Variants in PTPRD observed in about 807,000 individuals in gnomAD.
PTPRD encodes protein tyrosine phosphatase receptor type D, also known as receptor-type tyrosine-protein phosphatase delta.
In PTPRD, 34 loss-of-function variants were observed where a neutral mutation model predicts 214.5. That is an observed-to-expected ratio of 0.16 (90% CI 0.12 to 0.21). The LOEUF (loss-of-function observed/expected upper bound fraction) is 0.21, where lower values mean the gene tolerates loss of function less well. PTPRD is among the 10% of genes least tolerant of loss of function. The pLI is 1.00. For missense variants in PTPRD, 2,545 were observed against 2,398.7 expected, an observed-to-expected ratio of 1.06 and a Z score of -1.27; for synonymous variants, 1,128 against 845.7, an observed-to-expected ratio of 1.33 and a Z score of -5.79.
In PTPRD at chr9:9,851,007, T is replaced by C. The variant is rs999896299; in HGVS notation, c.-367-84156A>G. On this transcript the variant is annotated intron_variant, in intron 5 of 45. Coordinates refer to ENST00000381196, the MANE Select transcript of PTPRD (RefSeq NM_002839.4). ...GACCTTAGTTGCCACCTGCTAGCTA[T>C]GTGATTTTAGACAAAATTATTTAAC... Among the ~76,000 whole-genome samples, 12 of 152,312 alleles carry C rather than the reference T, an allele frequency of 7.9e-5. 1 individual carries two copies. Among genetic ancestry groups the C allele is most frequent in the Admixed American group, 6.5e-4 (10 of 15,288 alleles).
At chr9:9,370,876 GT>G (rs2059297713) in intron 9 of PTPRD, among the ~76,000 whole-genome samples, 1 of 151,970 alleles carries the variant, frequency 6.6e-6, no homozygotes, top group Non-Finnish European at 1.5e-5. Flanking sequence ...TAATCATGTG[GT>G]TTTTGTCTTT....
chr9:10,418,102 C>A (rs775522133), intron 2 of PTPRD, among the ~76,000 whole-genome samples: 3 of 151,298 alleles, frequency 2.0e-5, no homozygotes, highest in South Asian at 4.2e-4. Flanking sequence ...CAAGGCAAAG[C>A]GAAATATATG....
intron 3 of PTPRD, among the ~76,000 whole-genome samples, chr9:10,153,038 G>A (rs1189650591): frequency 1.3e-5 from 2 of 152,160 alleles, no homozygotes; most frequent in Non-Finnish European, 2.9e-5. Flanking sequence ...GGAGACGTTG[G>A]TCAAAGAGTA....
chr9:8,354,083 C>A (rs967124414), intron 39 of PTPRD, among the ~76,000 whole-genome samples: 10 of 149,834 alleles, frequency 6.7e-5, no homozygotes, highest in African/African-American at 2.5e-4. Flanking sequence ...TTAAATATGT[C>A]TTTTATTTAT....
In PTPRD at chr9:10,483,393, C is replaced by T. The variant is rs1236182715; in HGVS notation, c.-600+129005G>A. Among the ~76,000 whole-genome samples, 3 of 151,788 alleles carry T rather than the reference C, an allele frequency of 2.0e-5. No individual in the cohort carries two copies. In the South Asian group the frequency reaches 6.2e-4, roughly 32 times the overall value. ...CTAGGCAAATAATTTATGATGAAGA[C>T]CCCAAAAGCAAATGCAAGAAAAATA... On this transcript the variant is annotated intron_variant, in intron 2 of 45. Transcript: ENST00000381196.
rs117801008 is a variant in PTPRD at position 9,186,587 on chromosome 9, G to A, written c.-202-3224C>T. 4.8e-3 allele frequency among the ~76,000 whole-genome samples: 729 copies of A among 150,372 alleles called. 24 individuals carry two copies. Among genetic ancestry groups the A allele is most frequent in the East Asian group, 0.045 (227 of 5,032 alleles). ...AATGGTACCACCGCACTCCAACCTGGACAACAAAACAAGACTCTGTCTCTC... is the reference window on the plus strand; with the variant it reads ...AATGGTACCACCGCACTCCAACCTGAACAACAAAACAAGACTCTGTCTCTC... On this transcript the variant is annotated intron_variant, in intron 9 of 45. Coordinates refer to ENST00000381196, the MANE Select transcript of PTPRD (RefSeq NM_002839.4).
At chr9:8,774,811 G>T (rs1423707394) in intron 11 of PTPRD, among the ~76,000 whole-genome samples, 2 of 152,136 alleles carry the variant, frequency 1.3e-5, no homozygotes, top group African/African-American at 4.8e-5. Context: ...TGGAATCACA[G>T]GCATGAGCCA....
At chr9:8,736,101 G>A (rs959862894) in intron 11 of PTPRD, among the ~76,000 whole-genome samples, 4 of 152,176 alleles carry the variant, frequency 2.6e-5, no homozygotes, top group Non-Finnish European at 5.9e-5. Context: ...GGATGATTTA[G>A]AGAATGCTAT....
intron 11 of PTPRD, among the ~76,000 whole-genome samples, chr9:8,759,312 A>C (rs1304763616): frequency 6.6e-6 from 1 of 152,128 alleles, no homozygotes. Flanking sequence ...TTGGCTTCCC[A>C]AAGTGCTCAG....
chr9:9,330,772 G>A (rs1412870), intron 9 of PTPRD, among the ~76,000 whole-genome samples: 76,237 of 151,566 alleles, frequency 0.5, 20,409 homozygotes, highest in East Asian at 0.88. Context: ...GGGAATAAGT[G>A]AAATTATCTA....
At chr9:9,818,662 A>G (rs1182439533) in intron 5 of PTPRD, among the ~76,000 whole-genome samples, 1 of 152,120 alleles carries the variant, frequency 6.6e-6, no homozygotes, top group African/African-American at 2.4e-5. Context: ...TCATGCCTGT[A>G]ATCCCAGCAC....
chr9:8,525,066 G>C (rs1268954153), intron 17 of PTPRD, 31 bp from the exon 18 acceptor site: 4 of 1,560,846 alleles, frequency 2.6e-6, no homozygotes. Context: ...TTGCCAAAGA[G>C]ATGATCAGAG....
chr9:9,370,246 T>C (rs539013448), intron 9 of PTPRD, among the ~76,000 whole-genome samples: 33 of 152,266 alleles, frequency 2.2e-4, no homozygotes, highest in African/African-American at 6.0e-4. Context: ...CCCATGAGCA[T>C]GGAATGTTCT....
intron 10 of PTPRD, among the ~76,000 whole-genome samples, chr9:9,159,808 A>G (rs965093167): frequency 2.6e-5 from 4 of 152,238 alleles, no homozygotes; most frequent in African/African-American, 7.2e-5. Flanking sequence ...ATTTCAAAAT[A>G]CAAAGTGATT....
At chr9:8,748,479 G>A (rs552466313) in intron 11 of PTPRD, among the ~76,000 whole-genome samples, 46 of 127,208 alleles carry the variant, frequency 3.6e-4, no homozygotes, top group Admixed American at 1.8e-3. Context: ...TTGTATGGGA[G>A]CTCTGTTTTC....
At chr9:9,505,927 C>A (rs759619327) in intron 8 of PTPRD, among the ~76,000 whole-genome samples, 2 of 151,122 alleles carry the variant, frequency 1.3e-5, no homozygotes, top group South Asian at 2.1e-4. Flanking sequence ...ACTCTTAAAT[C>A]GGAAATACTC....
chr9:9,604,737 T>G (rs2094029976), intron 7 of PTPRD, among the ~76,000 whole-genome samples: 1 of 152,048 alleles, frequency 6.6e-6, no homozygotes, highest in Admixed American at 6.6e-5. Flanking sequence ...GGTATTTGTT[T>G]GACAAAGTCA....
At chr9:10,260,112 T>A (rs140430110) in intron 3 of PTPRD, among the ~76,000 whole-genome samples, 2 of 152,294 alleles carry the variant, frequency 1.3e-5, no homozygotes. Flanking sequence ...CTAAAAAAAA[T>A]TGTTTATCTG....
At chr9:8,873,596 C>CT (rs2154210109) in intron 11 of PTPRD, among the ~76,000 whole-genome samples, 1 of 152,194 alleles carries the variant, frequency 6.6e-6, no homozygotes, top group South Asian at 2.1e-4. Flanking sequence ...TTCTCTATCT[C>CT]TTTTTTAAAT....
Sources: allele counts gnomAD v4.1 joint callset (sites outside exome capture counted in the v4.1 genomes callset), GRCh38; gene constraint gnomAD v4.1.1; transcripts MANE v1.5; gene names NCBI Gene and HGNC (gene_info 2026-07-23, HGNC 2026-07-21).